Variants in GLIS3 observed in about 807,000 individuals in gnomAD.
GLIS3 encodes GLIS family zinc finger 3.
GLIS3 carries 53 observed loss-of-function variants against 78.6 expected under a neutral mutation model. That is an observed-to-expected ratio of 0.67 (90% CI 0.54 to 0.85). The LOEUF (loss-of-function observed/expected upper bound fraction) is 0.85. Among genes scored for constraint, GLIS3 ranks in the 40% least tolerant of loss-of-function variants. GLIS3 has a pLI of 0.00. For missense variants in GLIS3, 1,703 were observed against 1,231.1 expected, an observed-to-expected ratio of 1.38 and a Z score of -5.74; for synonymous variants, 684 against 509.9, an observed-to-expected ratio of 1.34 and a Z score of -4.60.
chr9:4,129,443 G>T (rs76617112), intron 2 of GLIS3, among the ~76,000 whole-genome samples: 1 of 151,998 alleles, frequency 6.6e-6, no homozygotes, highest in Non-Finnish European at 1.5e-5. Context: ...ATTGGATCAT[G>T]GGGGGTGGAT....
Position 4,187,381 on chromosome 9 carries a change from C to T in GLIS3, c.389-61440G>A, listed in dbSNP as rs1238461449. Among the ~76,000 whole-genome samples, 6 of 152,308 alleles carry T rather than the reference C, an allele frequency of 3.9e-5. No individual in the cohort carries two copies. The East Asian group carries it at 9.6e-4, about 24-fold the overall frequency. ...TCTCTGTTTTGGTACCAGTACCATG[C>T]TGTTTTGGTTACTGTAGCCTTGTAG... is the stretch of plus-strand genomic sequence containing the variant. On this transcript the variant is annotated intron_variant, in intron 2 of 10. Coordinates refer to ENST00000381971, the MANE Select transcript of GLIS3 (RefSeq NM_001042413.2).
chr9:4,289,187 T>G (rs886639180), intron 1 of GLIS3, among the ~76,000 whole-genome samples: 2 of 152,182 alleles, frequency 1.3e-5, no homozygotes, highest in Non-Finnish European at 2.9e-5. Flanking sequence ...TTTTCTGGAC[T>G]TACAGTTTTT....
At chr9:4,139,250 G>A (rs1268848504) in intron 2 of GLIS3, among the ~76,000 whole-genome samples, 1 of 152,186 alleles carries the variant, frequency 6.6e-6, no homozygotes, top group African/African-American at 2.4e-5. Context: ...TGGCAAAGCT[G>A]CCTCTGGGTG....
At chr9:4,460,633 G>A in the GLIS3 span, among the ~76,000 whole-genome samples, 1 of 135,452 alleles carries the variant, frequency 7.4e-6, no homozygotes, top group African/African-American at 2.8e-5. Flanking sequence ...AGAAGCAGAA[G>A]CCATCCCAAG....
At chr9:4,216,864 T>C (rs957419505) in intron 2 of GLIS3, among the ~76,000 whole-genome samples, 3 of 152,226 alleles carry the variant, frequency 2.0e-5, no homozygotes, top group African/African-American at 7.2e-5. Context: ...ACGTGCATTA[T>C]GTTAAAAATC....
At chr9:4,419,224 C>T in the GLIS3 span, among the ~76,000 whole-genome samples, 2 of 152,296 alleles carry the variant, frequency 1.3e-5, no homozygotes, top group South Asian at 4.1e-4. Context: ...ACTAGGTGCT[C>T]ATCTGGGTTG....
At chr9:3,948,436 C>T (rs546388825) in intron 4 of GLIS3, among the ~76,000 whole-genome samples, 2 of 152,268 alleles carry the variant, frequency 1.3e-5, no homozygotes, top group South Asian at 4.2e-4. Context: ...GGTCTTAAGA[C>T]CCACACTCAT....
At chr9:4,234,429 G>C (rs192057192) in intron 2 of GLIS3, among the ~76,000 whole-genome samples, 103 of 152,234 alleles carry the variant, frequency 6.8e-4, no homozygotes, top group African/African-American at 2.4e-3. Context: ...ATAGGGAATG[G>C]GCACTCTGTG....
chr9:4,235,774 C>T (rs1300729134), intron 2 of GLIS3, among the ~76,000 whole-genome samples: 1 of 152,120 alleles, frequency 6.6e-6, no homozygotes, highest in Non-Finnish European at 1.5e-5. Flanking sequence ...AACCACTTTG[C>T]TGTACTTAAA....
intron 4 of GLIS3, among the ~76,000 whole-genome samples, chr9:4,103,096 T>C (rs1830495010): frequency 6.6e-6 from 1 of 152,110 alleles, no homozygotes; most frequent in Non-Finnish European, 1.5e-5. Flanking sequence ...CATCATAAAA[T>C]TTTCCAAAAG....
intron 6 of GLIS3, among the ~76,000 whole-genome samples, chr9:3,930,711 T>C (rs1042056159): frequency 1.3e-5 from 2 of 152,228 alleles, no homozygotes; most frequent in Admixed American, 6.5e-5. Context: ...ACTGTTAATC[T>C]CTACAAGGGT....
chr9:4,182,679 C>A (rs553835994), intron 2 of GLIS3, among the ~76,000 whole-genome samples: 15 of 152,178 alleles, frequency 9.9e-5, no homozygotes, highest in African/African-American at 3.1e-4. Context: ...CATGGTTCTC[C>A]CAATAAAGGA....
chr9:4,482,214 A>C, the GLIS3 span, among the ~76,000 whole-genome samples: 2 of 152,210 alleles, frequency 1.3e-5, no homozygotes, highest in Non-Finnish European at 2.9e-5. Context: ...TTTTTCTTCA[A>C]TTTGTCAGAG....
At chr9:4,360,661 A>G in the GLIS3 span, among the ~76,000 whole-genome samples, 2 of 152,228 alleles carry the variant, frequency 1.3e-5, no homozygotes. Flanking sequence ...AGGACCATTA[A>G]TAAGTTTCAG....
rs572066460 is a variant in GLIS3, at chr9:4,241,217, A to C, written c.388+44821T>G. ...GTGGAGTAGACGTGAAAGGAAAGCA[A>C]AGGAAAATGCCCTCCAAGCCTGAGG... is the stretch of plus-strand genomic sequence containing the variant. On this transcript the variant is annotated intron_variant, in intron 2 of 10. Transcript: ENST00000381971. 2.6e-5 allele frequency among the ~76,000 whole-genome samples: 4 copies of C among 152,280 alleles called. No individual in the cohort carries two copies. The East Asian group carries it at 7.7e-4, about 29-fold the overall frequency.
At chr9:3,893,975 C>G (rs1284421312) in intron 7 of GLIS3, among the ~76,000 whole-genome samples, 1 of 152,188 alleles carries the variant, frequency 6.6e-6, no homozygotes, top group African/African-American at 2.4e-5. Context: ...TCACTGCATT[C>G]TCCAATCTAA....
At chr9:4,160,983 C>A (rs1386489142) in intron 2 of GLIS3, among the ~76,000 whole-genome samples, 2 of 150,340 alleles carry the variant, frequency 1.3e-5, no homozygotes, top group African/African-American at 2.5e-5. Flanking sequence ...GTGGTTCATG[C>A]CTATAATCCC....
At chr9:4,186,413 G>C (rs963318608) in intron 2 of GLIS3, among the ~76,000 whole-genome samples, 8 of 151,892 alleles carry the variant, frequency 5.3e-5, no homozygotes, top group Admixed American at 3.3e-4. Context: ...GGACATTTGG[G>C]TTGGTTGCAA....
At chr9:4,180,727 A>G (rs1436317874) in intron 2 of GLIS3, among the ~76,000 whole-genome samples, 2 of 152,192 alleles carry the variant, frequency 1.3e-5, no homozygotes, top group East Asian at 1.9e-4. Context: ...TTTATTTTAC[A>G]TATGTAAGAG....
Sources: gnomAD v4.1 joint callset for allele counts (sites outside exome capture counted in the v4.1 genomes callset) on GRCh38, gnomAD v4.1.1 for gene constraint, MANE v1.5 for transcripts, NCBI Gene and HGNC (gene_info 2026-07-23, HGNC 2026-07-21) for gene names.